The following SLC35E2B variants were observed in gnomAD, a reference collection of about 807,000 sequenced individuals.
SLC35E2B encodes the protein solute carrier family 35, member E2B.
In SLC35E2B, 18 loss-of-function variants were observed where a neutral mutation model predicts 32.4. The observed-to-expected ratio is 0.56, with a 90% CI of 0.38 to 0.82. The LOEUF is 0.82. SLC35E2B is among the 40% of genes least tolerant of loss of function. SLC35E2B has a pLI of 0.00. For missense variants in SLC35E2B, 263 were observed against 469.5 expected (o/e 0.56, Z 4.06); for synonymous variants, 132 against 209.1 (o/e 0.63, Z 3.18).
intron 2 of SLC35E2B, among the ~76,000 whole-genome samples, chr1:1,688,497 G>A (rs1029406489): frequency 2.0e-5 from 3 of 151,726 alleles, no homozygotes; most frequent in African/African-American, 7.3e-5. Flanking sequence ...CTACTCAGGA[G>A]GCTGAGCCAG....
In SLC35E2B at chr1:1,666,221, C is replaced by T. The variant is rs142277529; in HGVS notation, c.981-202G>A. On this transcript the variant is annotated intron_variant, in intron 9 of 9. Coordinates refer to ENST00000617444, the MANE Select transcript of SLC35E2B (RefSeq NM_001290264.2). Reference sequence around the variant, plus strand: ...GGGGCGGGGGTGCTCAACGGGACCTCGGTGGTGGTGAGATCAGCCCAGGGG... The same window carrying T: ...GGGGCGGGGGTGCTCAACGGGACCTTGGTGGTGGTGAGATCAGCCCAGGGG... Among the ~76,000 whole-genome samples, 332 of 152,232 alleles carry T rather than the reference C, an allele frequency of 2.2e-3. 5 individuals carry two copies. In the East Asian group the frequency reaches 0.041, roughly 19 times the overall value.
In SLC35E2B at chr1:1,665,057, C is replaced by T; in HGVS notation, c.*725G>A. 2.7e-6 allele frequency: 2 copies of T among 733,548 alleles called. No homozygotes were observed. Among genetic ancestry groups the T allele is most frequent in the Non-Finnish European group, 1.7e-6 (1 of 600,422 alleles). 45.4% of individuals were successfully genotyped at this position (733,548 alleles called of 1,614,324 possible). ...CAGGGTGCCCTGGGGTTGCGGGGAG[C>T]TCACGCAGCCCAGGGTGTGGAAGGG... On this transcript the variant is annotated 3_prime_UTR_variant, in exon 10 of 10. Transcript: ENST00000617444.
intron 8 of SLC35E2B, among the ~76,000 whole-genome samples, chr1:1,669,060 G>A (rs181876299): frequency 1.3e-5 from 2 of 151,690 alleles, no homozygotes; most frequent in Admixed American, 6.6e-5. Context: ...GGGTATACAC[G>A]CACAAGAACT....
At chr1:1,667,835 C>T (rs1557750724) in intron 9 of SLC35E2B, among the ~76,000 whole-genome samples, 1 of 151,948 alleles carries the variant, frequency 6.6e-6, no homozygotes, top group East Asian at 1.9e-4. Context: ...GTTTATTTTA[C>T]AGTTTCTCAT....
intron 2 of SLC35E2B, among the ~76,000 whole-genome samples, chr1:1,678,224 C>T (rs902150620): frequency 2.0e-5 from 3 of 152,102 alleles, no homozygotes. Context: ...CACTTGCGTG[C>T]GTGCCATATG....
At chr1:1,674,868 G>T (rs61776786) in intron 5 of SLC35E2B, among the ~76,000 whole-genome samples, 3 of 151,972 alleles carry the variant, frequency 2.0e-5, no homozygotes, top group Admixed American at 6.6e-5. Context: ...AAGACGCCGC[G>T]CTCTGTGGGC....
At chr1:1,666,128 C>T (rs919160789) in intron 9 of SLC35E2B, 109 bp from the exon 10 acceptor site, 5 of 1,298,974 alleles carry the variant, frequency 3.8e-6, no homozygotes, top group Non-Finnish European at 4.2e-6. Context: ...GGTTGGGGGA[C>T]TCAGCGTCAC....
At position 1,669,755 on chromosome 1, in the gene SLC35E2B, G is replaced by A. The variant is rs1207011409; in HGVS notation, c.762-19C>T. On this transcript the variant is annotated intron_variant, in intron 7 of 9. Coordinates refer to ENST00000617444, the MANE Select transcript of SLC35E2B (RefSeq NM_001290264.2). ...CGGGGCCCTGTGGGTGACAGAACAC[G>A]CTGGGCCCCCCGTGTCGGGACAGGC... 23 of 1,548,048 alleles carry A rather than the reference G, an allele frequency of 1.5e-5. No homozygotes were observed. The highest frequency in any genetic ancestry group is 2.1e-4 in the Middle Eastern group (1 of 4,874).
chr1:1,669,926 G>T (rs1265503792), intron 7 of SLC35E2B, 172 bp downstream of exon 7: 19 of 848,156 alleles, frequency 2.2e-5, no homozygotes. Flanking sequence ...GGGGCTCAAG[G>T]GAGTAGCTGA....
Position 1,669,679 on chromosome 1 carries a change from G to A in SLC35E2B, c.819C>T (p.Ala273=). 6.5e-7 allele frequency: 1 copy of A among 1,528,150 alleles called. No individual in the cohort carries two copies. Among genetic ancestry groups the A allele is most frequent in the Non-Finnish European group, 8.9e-7 (1 of 1,129,186 alleles). 94.7% of individuals were successfully genotyped at this position (1,528,150 alleles called of 1,614,324 possible). A position where few individuals can be genotyped will look rare whatever the true frequency, so the allele number is the denominator to read the frequency against. ...TGAAACCCACCGTAAAGAAAACCCGGGCCGGGACGAGCATGGCCACCGCAG... is the reference window on the plus strand; with the variant it reads ...TGAAACCCACCGTAAAGAAAACCCGAGCCGGGACGAGCATGGCCACCGCAG... ...SAAAVAMLVP[A]RVFFTDVPVI... The change falls in exon 8 of 10, where the codon GCC becomes GCT. Residue 273 remains alanine, a synonymous_variant. Transcript: ENST00000617444.
rs1643501902 is a variant in SLC35E2B at position 1,664,908 on chromosome 1, C to G, written c.*874G>C. ...ACAGACAGGCTCACCCCACGGGGAC[C>G]TCAGAACAGCCTGCCTCATACTCAG... On this transcript the variant is annotated 3_prime_UTR_variant, in exon 10 of 10. Coordinates refer to ENST00000617444, the MANE Select transcript of SLC35E2B (RefSeq NM_001290264.2). The G allele has an allele frequency of 1.1e-6, 1 of 943,710 alleles. No homozygotes were observed. Among genetic ancestry groups the G allele is most frequent in the Non-Finnish European group, 1.3e-6 (1 of 794,550 alleles). 58.5% of individuals were successfully genotyped at this position (943,710 alleles called of 1,614,324 possible). A position where few individuals can be genotyped will look rare whatever the true frequency, so the allele number is the denominator to read the frequency against.
chr1:1,684,363 T>C (rs1643926691), intron 2 of SLC35E2B, among the ~76,000 whole-genome samples: 1 of 152,192 alleles, frequency 6.6e-6, no homozygotes, highest in Admixed American at 6.5e-5. Flanking sequence ...GCAGCGTTTC[T>C]GCTGAAGGCG....
At position 1,663,378 on chromosome 1, in the gene SLC35E2B, A is replaced by G. The variant is rs182001072; in HGVS notation, c.*2404T>C. On this transcript the variant is annotated 3_prime_UTR_variant, in exon 10 of 10. Transcript: ENST00000617444. ...AATCTTCAAAGAGGCCGGCAGCCAC[A>G]TTCTCGACGGGGAGGTGGACAAGGC... 1.2e-3 allele frequency: 1,137 copies of G among 955,398 alleles called. 47 individuals are homozygous for G. In the African/African-American group the frequency reaches 0.019, roughly 16 times the overall value. 59.2% of individuals were successfully genotyped at this position (955,398 alleles called of 1,614,324 possible). A position where few individuals can be genotyped will look rare whatever the true frequency, so the allele number is the denominator to read the frequency against.
At chr1:1,670,414 G>A (rs971512116) in intron 6 of SLC35E2B, 5 of 321,428 alleles carry the variant, frequency 1.6e-5, no homozygotes, top group South Asian at 8.6e-5. Flanking sequence ...GAGCCACCAC[G>A]CCCAACAGAT....
chr1:1,679,595 G>C (rs1643882394), intron 2 of SLC35E2B, among the ~76,000 whole-genome samples: 1 of 151,968 alleles, frequency 6.6e-6, no homozygotes, highest in African/African-American at 2.4e-5. Context: ...GGGAGGCCAA[G>C]GTGGGCGGAT....
chr1:1,669,608 T>A, intron 8 of SLC35E2B, 56 bp downstream of exon 8: 1 of 1,459,728 alleles, frequency 6.9e-7, no homozygotes, highest in Non-Finnish European at 9.2e-7. Flanking sequence ...TGCTCCTGAA[T>A]CACCGGAGAA....
chr1:1,679,788 C>T (rs1570337325), intron 2 of SLC35E2B, among the ~76,000 whole-genome samples: 1 of 144,250 alleles, frequency 6.9e-6, no homozygotes, highest in Non-Finnish European at 1.5e-5. Flanking sequence ...GCTGAGATCG[C>T]GCCATTGCAC....
chr1:1,669,152 C>G (rs778390988), intron 8 of SLC35E2B, among the ~76,000 whole-genome samples: 13 of 151,902 alleles, frequency 8.6e-5, no homozygotes, highest in Non-Finnish European at 1.6e-4. Flanking sequence ...GGATTAAAAT[C>G]CAGAAAACCG....
Position 1,668,945 on chromosome 1 carries a change from C to T in SLC35E2B, c.835-473G>A, listed in dbSNP as rs560121042. Among the ~76,000 whole-genome samples the T allele has an allele frequency of 7.3e-5, 11 of 150,216 alleles. No homozygotes were observed. In the South Asian group the frequency reaches 1.3e-3, roughly 17 times the overall value. On this transcript the variant is annotated intron_variant, in intron 8 of 9. Transcript: ENST00000617444. The stretch of plus-strand genomic sequence containing the variant: ...GGCAGAGGTTGCAGTGAGCTGAGAT[C>T]GCACCACTGTACCCCAGCCTGGGCA...
Sources: gnomAD v4.1 joint callset for allele counts (sites outside exome capture counted in the v4.1 genomes callset) on GRCh38, gnomAD v4.1.1 for gene constraint, MANE v1.5 for transcripts, NCBI Gene and HGNC (gene_info 2026-07-23, HGNC 2026-07-21) for gene names.